The following CTIF variants were observed in gnomAD, a reference collection of about 807,000 sequenced individuals.
CTIF encodes CBP80/20-dependent translation initiation factor.
CTIF carries 21 observed loss-of-function variants against 66.0 expected under a neutral mutation model. The observed-to-expected ratio is 0.32, with a 90% confidence interval of 0.23 to 0.46. The LOEUF is 0.46. CTIF is among the 20% of genes least tolerant of loss of function. The pLI is 1.00. For missense variants in CTIF, 739 were observed against 812.7 expected, an observed-to-expected ratio of 0.91 and a Z score of 1.10; for synonymous variants, 345 against 326.4, an observed-to-expected ratio of 1.06 and a Z score of -0.62.
rs751864883 is a variant in CTIF, at chr18:48,812,753, C to CAAAA, written c.1372-4454_1372-4451dup. Among the ~76,000 whole-genome samples, 4 of 67,674 alleles carry CAAAA rather than the reference C, an allele frequency of 5.9e-5. No homozygotes were observed. The Admixed American group carries it at 6.9e-4, about 12-fold the overall frequency. 44.4% of individuals were successfully genotyped at this position (67,674 alleles called of 152,430 possible). ...TGGGCAACAAAGCGAGACCCTGTCT[C>CAAAA]AAAAAAAAAAAAAAAAATGAAAAAA... On this transcript the variant is annotated intron_variant, in intron 9 of 11. Coordinates refer to ENST00000256413, the MANE Select transcript of CTIF (RefSeq NM_014772.3).
chr18:48,806,011 A>G (rs1009346009), intron 9 of CTIF, among the ~76,000 whole-genome samples: 1 of 152,178 alleles, frequency 6.6e-6, no homozygotes, highest in Non-Finnish European at 1.5e-5. Flanking sequence ...AAGTCAGGTC[A>G]TCAACAGACA....
chr18:48,724,398 C>T (rs1019963728), intron 7 of CTIF, among the ~76,000 whole-genome samples: 4 of 152,174 alleles, frequency 2.6e-5, no homozygotes, highest in African/African-American at 9.7e-5. Flanking sequence ...TGTCTTCACT[C>T]GCTGTGCTCT....
chr18:48,553,431 G>C (rs1384686806), intron 1 of CTIF, among the ~76,000 whole-genome samples: 1 of 152,184 alleles, frequency 6.6e-6, no homozygotes, highest in African/African-American at 2.4e-5. Flanking sequence ...GGCCCAGGTG[G>C]CTGGCAGATG....
intron 10 of CTIF, among the ~76,000 whole-genome samples, chr18:48,830,207 C>T (rs1285160748): frequency 2.0e-5 from 3 of 152,194 alleles, no homozygotes; most frequent in Non-Finnish European, 4.4e-5. Context: ...CTCTGTCACC[C>T]AGGCTGGAGT....
At chr18:48,735,096 C>CGTGTGT (rs34150644) in intron 7 of CTIF, among the ~76,000 whole-genome samples, 5 of 149,852 alleles carry the variant, frequency 3.3e-5, no homozygotes, top group South Asian at 4.2e-4. Flanking sequence ...AGTTTGTGTG[C>CGTGTGT]GTGTGTGTGT....
At chr18:48,822,517 C>G (rs1825078924) in intron 10 of CTIF, among the ~76,000 whole-genome samples, 1 of 140,590 alleles carries the variant, frequency 7.1e-6, no homozygotes, top group East Asian at 2.1e-4. Context: ...CACACACACA[C>G]ACACACACAC....
intron 6 of CTIF, among the ~76,000 whole-genome samples, chr18:48,684,339 C>T (rs1051230518): frequency 6.6e-6 from 1 of 152,132 alleles, no homozygotes; most frequent in African/African-American, 2.4e-5. Context: ...CTTTCTACCC[C>T]CTGCGTCCTC....
intron 7 of CTIF, among the ~76,000 whole-genome samples, chr18:48,729,070 C>A (rs1022550809): frequency 6.6e-6 from 1 of 152,180 alleles, no homozygotes; most frequent in African/African-American, 2.4e-5. Flanking sequence ...CCCTCCTCAT[C>A]CTGTCCTCCC....
Position 48,758,069 on chromosome 18 carries a change from C to G in CTIF, c.735C>G (p.Ser245Arg). 1 of 1,614,096 alleles carries G rather than the reference C, an allele frequency of 6.2e-7. No individual in the cohort carries two copies. Among genetic ancestry groups the G allele is most frequent in the Non-Finnish European group, 8.5e-7 (1 of 1,180,012 alleles). Residue 245 changes from serine (S) to arginine (R), a missense_variant, in exon 8 of 12, where the codon AGC becomes AGG. Physicochemically the swap from Ser to Arg is moderately radical, Grantham distance 110 (BLOSUM62 -1). This residue lies in a region of CTIF where 529 missense variants were observed against 520.3 expected (regional missense o/e 1.02). Transcript: ENST00000256413. The stretch of plus-strand genomic sequence containing the variant: ...GGAGGCCCACTCACCATGGCTACAG[C>G]CAGAACCGGCGCTGGCACCATGGCA... The part of the protein sequence containing the change: ...PSGRPTHHGY[S>R]QNRRWHHGNM...
intron 6 of CTIF, among the ~76,000 whole-genome samples, chr18:48,676,154 C>A (rs2091625695): frequency 6.6e-6 from 1 of 152,080 alleles, no homozygotes; most frequent in African/African-American, 2.4e-5. Context: ...CCCTAGATGG[C>A]CCCTAGGTGA....
chr18:48,605,468 A>G (rs1334403336), intron 1 of CTIF, among the ~76,000 whole-genome samples: 5 of 152,178 alleles, frequency 3.3e-5, no homozygotes, highest in Non-Finnish European at 7.3e-5. Context: ...CTGCCAGTTA[A>G]CCACTCAGCC....
chr18:48,708,781 C>G (rs1009397044), intron 6 of CTIF, among the ~76,000 whole-genome samples: 1 of 152,234 alleles, frequency 6.6e-6, no homozygotes, highest in African/African-American at 2.4e-5. Flanking sequence ...AGCACACCAC[C>G]CTGGACCACC....
intron 3 of CTIF, among the ~76,000 whole-genome samples, chr18:48,658,071 A>C (rs1160609585): frequency 6.6e-6 from 1 of 152,032 alleles, no homozygotes; most frequent in African/African-American, 2.4e-5. Context: ...TGCTTCTCTG[A>C]CTTCTCTGGC....
chr18:48,569,602 T>C (rs1165545173), intron 1 of CTIF, among the ~76,000 whole-genome samples: 1 of 152,210 alleles, frequency 6.6e-6, no homozygotes, highest in East Asian at 1.9e-4. Context: ...TTTAATACCA[T>C]GTGATTAAAG....
At chr18:48,752,955 G>A (rs1183051777) in intron 7 of CTIF, among the ~76,000 whole-genome samples, 9 of 152,114 alleles carry the variant, frequency 5.9e-5, no homozygotes, top group Admixed American at 5.9e-4. Flanking sequence ...AACTGGGGTG[G>A]GTGTGTGTGG....
chr18:48,644,687 C>T (rs2090993696), intron 3 of CTIF, among the ~76,000 whole-genome samples: 1 of 152,212 alleles, frequency 6.6e-6, no homozygotes, highest in African/African-American at 2.4e-5. Flanking sequence ...GGTCTCTGCA[C>T]TCAGGGAAGC....
At chr18:48,763,995 C>G (rs551454408) in intron 9 of CTIF, among the ~76,000 whole-genome samples, 41 of 152,266 alleles carry the variant, frequency 2.7e-4, no homozygotes, top group African/African-American at 9.6e-4. Flanking sequence ...GAGCAGAGAA[C>G]TGGCACTCCA....
intron 1 of CTIF, among the ~76,000 whole-genome samples, chr18:48,595,851 C>T (rs2089979042): frequency 6.6e-6 from 1 of 152,146 alleles, no homozygotes; most frequent in Non-Finnish European, 1.5e-5. Flanking sequence ...GAGCCACTTC[C>T]AAGCTCATGT....
chr18:48,704,829 T>C (rs762361300), intron 6 of CTIF, among the ~76,000 whole-genome samples: 4 of 152,176 alleles, frequency 2.6e-5, no homozygotes, highest in Non-Finnish European at 4.4e-5. Context: ...GCGTAAGAAT[T>C]TGGAGATCAC....
Sources: gnomAD v4.1 joint callset for allele counts (sites outside exome capture counted in the v4.1 genomes callset) on GRCh38, gnomAD v4.1.1 for gene constraint, gnomAD v4.1.1 regional missense constraint, MANE v1.5 for transcripts, NCBI Gene and HGNC (gene_info 2026-07-23, HGNC 2026-07-21) for gene names.